The following IL1RAPL1 variants were observed in gnomAD, a reference collection of about 807,000 sequenced individuals.
The protein encoded by IL1RAPL1 is interleukin-1 receptor accessory protein-like 1.
IL1RAPL1 carries 3 observed loss-of-function variants against 48.4 expected under a neutral mutation model. The ratio of observed to expected loss-of-function variants is 0.06; its 90% CI spans 0.03 to 0.16. IL1RAPL1 has a LOEUF of 0.16. IL1RAPL1 is among the 10% of genes least tolerant of loss of function. IL1RAPL1 has a pLI of 1.00. For missense variants in IL1RAPL1, 349 were observed against 530.6 expected (o/e 0.66, Z 3.36); for synonymous variants, 185 against 187.7 (o/e 0.99, Z 0.12).
chrX:29,549,258 C>T (rs1161321839), intron 5 of IL1RAPL1, among the ~76,000 whole-genome samples: 1 of 111,090 alleles, frequency 9.0e-6, no homozygotes, highest in East Asian at 2.8e-4. Flanking sequence ...CTTGTCCTAC[C>T]CGGGACATAA....
chrX:29,023,103 A>C (rs753442121), intron 2 of IL1RAPL1, among the ~76,000 whole-genome samples: 6 of 112,052 alleles, frequency 5.4e-5, no homozygotes, highest in African/African-American at 1.6e-4. Context: ...AATAAACTCT[A>C]CTGCAGCCTC....
chrX:29,912,050 GTATC>G (rs1393254723), intron 6 of IL1RAPL1, among the ~76,000 whole-genome samples: 3 of 112,101 alleles, frequency 2.7e-5, no homozygotes, highest in Non-Finnish European at 3.8e-5. Flanking sequence ...GAAGTTTTGA[GTATC>G]TATTATTTTT....
In IL1RAPL1 at chrX:29,474,522, C is replaced by A. The variant is rs1032237882; in HGVS notation, c.703+75214C>A. On this transcript the variant is annotated intron_variant, in intron 5 of 10. Transcript: ENST00000378993. ...TACCTGAGGCTGGGTAATTTATAAA[C>A]AAAAGAGGTTTAATTGGCTCACAGT... Among the ~76,000 whole-genome samples the A allele has an allele frequency of 3.6e-5, 4 of 111,719 alleles. 1 individual carries two copies. Among genetic ancestry groups the A allele is most frequent in the Non-Finnish European group, 7.5e-5 (4 of 53,164 alleles).
chrX:29,048,281 T>G (rs1333296074), intron 2 of IL1RAPL1, among the ~76,000 whole-genome samples: 3 of 112,401 alleles, frequency 2.7e-5, no homozygotes, highest in African/African-American at 9.7e-5. Context: ...ATCCTACTAA[T>G]AAATATGGTT....
At chrX:28,949,516 T>C (rs1924394410) in intron 2 of IL1RAPL1, among the ~76,000 whole-genome samples, 1 of 111,778 alleles carries the variant, frequency 8.9e-6, no homozygotes, top group Non-Finnish European at 1.9e-5. Flanking sequence ...AGAGGCCTTA[T>C]GGCCTGTAAA....
chrX:29,914,305 A>T (rs1036161780), intron 6 of IL1RAPL1, among the ~76,000 whole-genome samples: 1 of 112,340 alleles, frequency 8.9e-6, no homozygotes, highest in Non-Finnish European at 1.9e-5. Flanking sequence ...AATAAAAATG[A>T]ATTTCACAGT....
At chrX:29,175,073 CAAAAAAA>C (rs3065738) in intron 2 of IL1RAPL1, among the ~76,000 whole-genome samples, 2 of 61,553 alleles carry the variant, frequency 3.2e-5, no homozygotes, top group Non-Finnish European at 5.9e-5. Flanking sequence ...GACTCCGTCT[CAAAAAAA>C]AAAAAAAAAA....
chrX:29,249,038 C>T (rs1207334367), intron 2 of IL1RAPL1, among the ~76,000 whole-genome samples: 2 of 110,037 alleles, frequency 1.8e-5, no homozygotes, highest in African/African-American at 6.6e-5. Flanking sequence ...GTAGGGGATT[C>T]GAAACAACGG....
intron 3 of IL1RAPL1, among the ~76,000 whole-genome samples, chrX:29,294,037 TAA>T (rs1215115516): frequency 5.6e-5 from 5 of 89,487 alleles, no homozygotes; most frequent in Admixed American, 2.5e-4. Flanking sequence ...GGTCCTAAAG[TAA>T]AAAAAAAAAA....
At chrX:29,941,133 C>G (rs1185717724) in intron 8 of IL1RAPL1, among the ~76,000 whole-genome samples, 1 of 112,015 alleles carries the variant, frequency 8.9e-6, no homozygotes, top group Non-Finnish European at 1.9e-5. Context: ...TTTGACCTCT[C>G]ACCTTTCTTT....
intron 5 of IL1RAPL1, among the ~76,000 whole-genome samples, chrX:29,566,738 C>T (rs1033393118): frequency 2.7e-5 from 3 of 112,148 alleles, no homozygotes; most frequent in Non-Finnish European, 5.6e-5. Context: ...GTGGTTAATT[C>T]TGGAAGCTAG....
chrX:28,720,485 C>T (rs1305539255), intron 1 of IL1RAPL1, among the ~76,000 whole-genome samples: 2 of 111,922 alleles, frequency 1.8e-5, no homozygotes, highest in Non-Finnish European at 3.8e-5. Flanking sequence ...CTACTCTTCC[C>T]CTGGTTCATG....
chrX:28,858,195 C>T (rs1921851402), intron 2 of IL1RAPL1, among the ~76,000 whole-genome samples: 1 of 112,004 alleles, frequency 8.9e-6, no homozygotes, highest in Non-Finnish European at 1.9e-5. Context: ...TATGGATGAG[C>T]AATGAAAGTG....
chrX:29,607,311 T>C (rs957404782), intron 5 of IL1RAPL1, among the ~76,000 whole-genome samples: 1 of 111,925 alleles, frequency 8.9e-6, no homozygotes, highest in African/African-American at 3.2e-5. Context: ...ATCCTTACAA[T>C]ATACAGATAG....
intron 2 of IL1RAPL1, among the ~76,000 whole-genome samples, chrX:29,096,911 C>T (rs1190662852): frequency 9.2e-6 from 1 of 109,235 alleles, no homozygotes; most frequent in Non-Finnish European, 1.9e-5. Context: ...AAGACTGAAC[C>T]CTAGACTAAT....
intron 2 of IL1RAPL1, among the ~76,000 whole-genome samples, chrX:28,865,651 T>TC (rs1179819047): frequency 1.8e-5 from 2 of 111,393 alleles, no homozygotes; most frequent in African/African-American, 6.5e-5. Context: ...AGATAGTGAG[T>TC]GTAGACAGAG....
At chrX:28,659,895 T>G (rs1336294138) in intron 1 of IL1RAPL1, among the ~76,000 whole-genome samples, 1 of 111,217 alleles carries the variant, frequency 9.0e-6, no homozygotes, top group Non-Finnish European at 1.9e-5. Context: ...GAATCTGCCT[T>G]TAAAAAGTCA....
At chrX:28,875,930 T>C (rs940050530) in intron 2 of IL1RAPL1, among the ~76,000 whole-genome samples, 3 of 111,565 alleles carry the variant, frequency 2.7e-5, no homozygotes, top group Non-Finnish European at 5.6e-5. Flanking sequence ...CAAGCATCTA[T>C]ATTTATTCCC....
At chrX:29,362,007 A>G (rs1057001262) in intron 3 of IL1RAPL1, among the ~76,000 whole-genome samples, 3 of 112,175 alleles carry the variant, frequency 2.7e-5, no homozygotes, top group Non-Finnish European at 5.6e-5. Flanking sequence ...CAAGTGATAA[A>G]AAAGTGATAT....
Sources: allele counts gnomAD v4.1 joint callset (sites outside exome capture counted in the v4.1 genomes callset), GRCh38; gene constraint gnomAD v4.1.1; transcripts MANE v1.5; gene names NCBI Gene and HGNC (gene_info 2026-07-23, HGNC 2026-07-21).